Variants in ITGBL1 observed in about 807,000 individuals in gnomAD.
ITGBL1 encodes integrin subunit beta like 1.
A neutral mutation model predicts 68.5 loss-of-function variants in ITGBL1; 51 were observed. The ratio of observed to expected loss-of-function variants is 0.74; its 90% CI spans 0.59 to 0.94. The LOEUF (loss-of-function observed/expected upper bound fraction) is 0.94. Ranked by LOEUF, ITGBL1 falls within the 40% of genes least tolerant of loss-of-function variation. The pLI is 0.00. For missense variants in ITGBL1, 649 were observed against 647.4 expected, an observed-to-expected ratio of 1.00 and a Z score of -0.03; for synonymous variants, 209 against 227.3, an observed-to-expected ratio of 0.92 and a Z score of 0.72.
chr13:101,652,801 A>T, intron 7 of ITGBL1, among the ~76,000 whole-genome samples: 1 of 152,154 alleles, frequency 6.6e-6, no homozygotes, highest in Admixed American at 6.5e-5. Flanking sequence ...TCATCACAGA[A>T]TAAGAAACTT....
chr13:101,464,527 CTCTCTA>C (rs1473063251), intron 2 of ITGBL1, among the ~76,000 whole-genome samples: 2 of 151,460 alleles, frequency 1.3e-5, no homozygotes, highest in African/African-American at 4.9e-5. Context: ...GTCTCTCTCT[CTCTCTA>C]TATATATATA....
chr13:101,684,705 C>T (rs1325641764), intron 7 of ITGBL1, among the ~76,000 whole-genome samples: 1 of 151,834 alleles, frequency 6.6e-6, no homozygotes, highest in Non-Finnish European at 1.5e-5. Flanking sequence ...TTACCATATT[C>T]TACCGACAAA....
chr13:101,553,752 T>C (rs1441435991), intron 2 of ITGBL1, among the ~76,000 whole-genome samples: 2 of 152,034 alleles, frequency 1.3e-5, no homozygotes, highest in Non-Finnish European at 2.9e-5. Context: ...CAAGGCATTC[T>C]CGGTGTGCCT....
chr13:101,468,280 G>T (rs981860065), intron 2 of ITGBL1, among the ~76,000 whole-genome samples: 2 of 152,160 alleles, frequency 1.3e-5, no homozygotes, highest in Non-Finnish European at 2.9e-5. Context: ...TGTTAACTAT[G>T]TGCTCGAGAG....
intron 7 of ITGBL1, among the ~76,000 whole-genome samples, chr13:101,610,521 A>T (rs866104516): frequency 5.3e-5 from 8 of 152,302 alleles, no homozygotes; most frequent in Admixed American, 1.3e-4. Flanking sequence ...ATCATAATCA[A>T]TCTAATATTT....
At chr13:101,600,832 C>T (rs548984944) in intron 7 of ITGBL1, among the ~76,000 whole-genome samples, 18 of 152,222 alleles carry the variant, frequency 1.2e-4, no homozygotes, top group African/African-American at 3.1e-4. Context: ...TTGCTGGTTT[C>T]GGTTTGCCAG....
chr13:101,618,610 T>C (rs56110492), intron 7 of ITGBL1, among the ~76,000 whole-genome samples: 13,320 of 152,068 alleles, frequency 0.088, 999 homozygotes, highest in African/African-American at 0.2. Flanking sequence ...TCCCACAGAC[T>C]CTCTCACTCT....
intron 2 of ITGBL1, among the ~76,000 whole-genome samples, chr13:101,514,316 T>C (rs1027360211): frequency 1.3e-5 from 2 of 152,132 alleles, no homozygotes; most frequent in Non-Finnish European, 2.9e-5. Context: ...ATTTGCTAAG[T>C]TTCATCACTG....
chr13:101,544,329 G>C (rs1254451855), intron 2 of ITGBL1, among the ~76,000 whole-genome samples: 1 of 152,230 alleles, frequency 6.6e-6, no homozygotes, highest in Non-Finnish European at 1.5e-5. Context: ...TCCAGACCCT[G>C]TTTGCCTGGG....
chr13:101,455,446 C>T (rs1181245722), intron 2 of ITGBL1, among the ~76,000 whole-genome samples: 2 of 151,954 alleles, frequency 1.3e-5, no homozygotes, highest in Non-Finnish European at 2.9e-5. Context: ...GCAGGTGAAT[C>T]ACTTGAGGTC....
chr13:101,690,647 A>T (rs1234599432), intron 7 of ITGBL1, among the ~76,000 whole-genome samples: 1 of 152,148 alleles, frequency 6.6e-6, no homozygotes, highest in African/African-American at 2.4e-5. Context: ...ATTTATGCAC[A>T]TTGAAAGGTG....
At chr13:101,698,460 T>G (rs2034053536) in intron 8 of ITGBL1, among the ~76,000 whole-genome samples, 1 of 152,214 alleles carries the variant, frequency 6.6e-6, no homozygotes, top group South Asian at 2.1e-4. Flanking sequence ...AGTTCAGTTT[T>G]GATTACACCA....
chr13:101,705,635 A>G (rs1157753189), intron 8 of ITGBL1, among the ~76,000 whole-genome samples: 1 of 152,180 alleles, frequency 6.6e-6, no homozygotes, highest in Non-Finnish European at 1.5e-5. Flanking sequence ...AAAAATAATT[A>G]TAATAATTAA....
intron 7 of ITGBL1, among the ~76,000 whole-genome samples, chr13:101,642,078 A>G (rs2032400065): frequency 6.6e-6 from 1 of 151,898 alleles, no homozygotes; most frequent in Non-Finnish European, 1.5e-5. Context: ...GTATATACCC[A>G]GTAATGGGAT....
intron 2 of ITGBL1, among the ~76,000 whole-genome samples, chr13:101,509,142 G>A (rs1238265429): frequency 6.6e-6 from 1 of 152,128 alleles, no homozygotes; most frequent in Non-Finnish European, 1.5e-5. Flanking sequence ...CACAATCATG[G>A]TGGAAGGCAA....
At position 101,671,442 on chromosome 13, in the gene ITGBL1, TTTTTG is replaced by T. The variant is rs1566784514; in HGVS notation, c.1016-21138_1016-21134del. Among the ~76,000 whole-genome samples, 10 of 97,044 alleles carry T rather than the reference TTTTTG, an allele frequency of 1.0e-4. 2 individuals carry two copies. Among genetic ancestry groups the T allele is most frequent in the East Asian group, 4.8e-4 (1 of 2,074 alleles). 63.7% of individuals were successfully genotyped at this position (97,044 alleles called of 152,430 possible). A position where few individuals can be genotyped will look rare whatever the true frequency, so the allele number is the denominator to read the frequency against. Reference sequence around the variant, plus strand: ...TATACCTTTGTTTTTTTTTTGTTTTTTTTTGTTTTTTTTTGAGACGGAGTCTCGCT... The same window carrying T: ...TATACCTTTGTTTTTTTTTTGTTTTTTTTTTTTTTGAGACGGAGTCTCGCT... On this transcript the variant is annotated intron_variant, in intron 7 of 10. Coordinates refer to ENST00000376180, the MANE Select transcript of ITGBL1 (RefSeq NM_004791.3).
At chr13:101,710,578 T>C in intron 9 of ITGBL1, among the ~76,000 whole-genome samples, 1 of 152,326 alleles carries the variant, frequency 6.6e-6, no homozygotes, top group Admixed American at 6.5e-5. Context: ...CTAGATCAAT[T>C]TCATGGACTT....
intron 7 of ITGBL1, among the ~76,000 whole-genome samples, 184 bp from the exon 8 acceptor site, chr13:101,692,401 G>A (rs376393080): frequency 6.6e-6 from 1 of 152,106 alleles, no homozygotes; most frequent in African/African-American, 2.4e-5. Flanking sequence ...AGACCACCAC[G>A]GAATTTCTTC....
intron 2 of ITGBL1, among the ~76,000 whole-genome samples, chr13:101,485,836 A>T (rs1182598068): frequency 2.6e-5 from 4 of 152,126 alleles, no homozygotes; most frequent in Non-Finnish European, 4.4e-5. Context: ...AAACATCAAA[A>T]AAACAATAGA....
Sources: gnomAD v4.1 joint callset for allele counts (sites outside exome capture counted in the v4.1 genomes callset) on GRCh38, gnomAD v4.1.1 for gene constraint, MANE v1.5 for transcripts, NCBI Gene and HGNC (gene_info 2026-07-23, HGNC 2026-07-21) for gene names.